Variants in OPCML observed in about 807,000 individuals in gnomAD.
The protein encoded by OPCML is opioid-binding protein/cell adhesion molecule.
In OPCML, 13 loss-of-function variants were observed where a neutral mutation model predicts 37.8. The ratio of observed to expected loss-of-function variants is 0.34; its 90% CI spans 0.22 to 0.55. OPCML has a LOEUF of 0.55. Ranked by LOEUF, OPCML falls within the 20% of genes least tolerant of loss-of-function variation. The probability of loss-of-function intolerance (pLI) is 0.91; values close to 1 mark genes in which losing one functional copy is unlikely to be tolerated. For synonymous variants in OPCML, 176 were observed against 168.8 expected, an observed-to-expected ratio of 1.04 and a Z score of -0.33; for missense variants, 341 against 435.6, an observed-to-expected ratio of 0.78 and a Z score of 1.93.
At chr11:132,508,249 A>C (rs2096261612) in intron 4 of OPCML, among the ~76,000 whole-genome samples, 1 of 152,222 alleles carries the variant, frequency 6.6e-6, no homozygotes, top group Non-Finnish European at 1.5e-5. Flanking sequence ...TACTGATACC[A>C]AAACCAGTCA....
chr11:133,264,123 A>C (rs1941577377), intron 1 of OPCML, among the ~76,000 whole-genome samples: 1 of 152,236 alleles, frequency 6.6e-6, no homozygotes, highest in Admixed American at 6.5e-5. Context: ...CAACCATTTG[A>C]GTTGCTGAGA....
intron 1 of OPCML, among the ~76,000 whole-genome samples, chr11:133,424,341 A>T (rs1945956985): frequency 6.6e-6 from 1 of 152,224 alleles, no homozygotes; most frequent in Admixed American, 6.5e-5. Flanking sequence ...TTATTAAAAT[A>T]GTGTTTATTT....
At chr11:133,132,691 T>C (rs1409468559) in intron 1 of OPCML, among the ~76,000 whole-genome samples, 1 of 152,140 alleles carries the variant, frequency 6.6e-6, no homozygotes, top group East Asian at 1.9e-4. Flanking sequence ...AAAGGACATA[T>C]TGATACACAC....
chr11:133,081,049 G>A (rs1165992164), intron 1 of OPCML, among the ~76,000 whole-genome samples: 3 of 152,074 alleles, frequency 2.0e-5, no homozygotes, highest in Admixed American at 1.3e-4. Flanking sequence ...AACATAAATT[G>A]GAAGTGTTAG....
In OPCML at chr11:133,026,818, A is replaced by G. The variant is rs191628017; in HGVS notation, c.62-83808T>C. 2.2e-4 allele frequency among the ~76,000 whole-genome samples: 33 copies of G among 152,368 alleles called. No homozygotes were observed. In the East Asian group the frequency reaches 5.6e-3, roughly 26 times the overall value. Reference sequence around the variant, plus strand: ...ATTTGTGCTTCATATTTAAAAAAAAATATTAGATTTCTAATGCATTCTTTT... The same window carrying G: ...ATTTGTGCTTCATATTTAAAAAAAAGTATTAGATTTCTAATGCATTCTTTT... On this transcript the variant is annotated intron_variant, in intron 1 of 7. Coordinates refer to ENST00000524381, the MANE Select transcript of OPCML (RefSeq NM_001012393.5).
At chr11:133,378,097 C>T (rs1299176464) in intron 1 of OPCML, among the ~76,000 whole-genome samples, 2 of 152,218 alleles carry the variant, frequency 1.3e-5, no homozygotes, top group Non-Finnish European at 2.9e-5. Flanking sequence ...TTTTATGCGT[C>T]AGGCGTTTAG....
intron 1 of OPCML, among the ~76,000 whole-genome samples, chr11:132,953,076 G>C (rs1416323333): frequency 6.6e-6 from 1 of 152,158 alleles, no homozygotes; most frequent in Non-Finnish European, 1.5e-5. Flanking sequence ...AATCTAAGGA[G>C]TATAACATCA....
intron 1 of OPCML, among the ~76,000 whole-genome samples, chr11:132,955,167 G>C (rs2136706370): frequency 6.6e-6 from 1 of 152,288 alleles, no homozygotes; most frequent in Middle Eastern, 3.4e-3. Flanking sequence ...TGGGGATCTG[G>C]GGGAGGTTGG....
chr11:132,840,345 G>A (rs10160341), intron 2 of OPCML, among the ~76,000 whole-genome samples: 114,858 of 152,132 alleles, frequency 0.75, 44,087 homozygotes, highest in Non-Finnish European at 0.82. Flanking sequence ...CCCTGTGTCC[G>A]AATTCCCAGG....
chr11:133,493,143 C>A (rs1442903177), intron 1 of OPCML, among the ~76,000 whole-genome samples: 19 of 152,222 alleles, frequency 1.2e-4, no homozygotes, highest in Admixed American at 1.2e-3. Flanking sequence ...AGCTCATGAC[C>A]TTGCCCCCCA....
chr11:133,117,403 G>C (rs1008807884), intron 1 of OPCML, among the ~76,000 whole-genome samples: 2 of 152,120 alleles, frequency 1.3e-5, no homozygotes, highest in African/African-American at 4.8e-5. Flanking sequence ...AGCTTTCGGG[G>C]CCTTCTTATA....
chr11:133,441,235 C>T lies in OPCML; in HGVS notation c.61+91029G>A, dbSNP rs559706462. Among the ~76,000 whole-genome samples, 16 of 151,138 alleles carry T rather than the reference C, an allele frequency of 1.1e-4. No individual in the cohort carries two copies. The East Asian group carries it at 1.8e-3, about 17-fold the overall frequency. On this transcript the variant is annotated intron_variant, in intron 1 of 7. Coordinates refer to ENST00000524381, the MANE Select transcript of OPCML (RefSeq NM_001012393.5). ...TGCATTTGGAGAAGGAAAAAAAGCC[C>T]AAGAATGACATGAAAATTTTGAAAA...
intron 3 of OPCML, among the ~76,000 whole-genome samples, chr11:132,533,429 G>A (rs1218698198): frequency 6.6e-6 from 1 of 152,174 alleles, no homozygotes; most frequent in Non-Finnish European, 1.5e-5. Flanking sequence ...GCTAGAAAGA[G>A]ATAGATGATA....
chr11:133,477,094 T>C (rs1308895101), intron 1 of OPCML, among the ~76,000 whole-genome samples: 1 of 152,146 alleles, frequency 6.6e-6, no homozygotes, highest in Non-Finnish European at 1.5e-5. Flanking sequence ...AAGCCAGCAG[T>C]GCCCCCTGCC....
intron 2 of OPCML, among the ~76,000 whole-genome samples, chr11:132,897,947 G>C (rs1056666135): frequency 1.3e-5 from 2 of 152,194 alleles, no homozygotes. Flanking sequence ...CTCCACAGAG[G>C]AGTATGTTAA....
intron 3 of OPCML, among the ~76,000 whole-genome samples, chr11:132,619,916 T>A (rs1213169844): frequency 6.6e-6 from 1 of 151,568 alleles, no homozygotes; most frequent in Non-Finnish European, 1.5e-5. Flanking sequence ...TGAAACAGCA[T>A]AATTAATTAA....
intron 3 of OPCML, among the ~76,000 whole-genome samples, chr11:132,540,553 C>T (rs1054689615): frequency 6.6e-6 from 1 of 152,190 alleles, no homozygotes; most frequent in African/African-American, 2.4e-5. Flanking sequence ...GTGAATGAGA[C>T]TCCCTCCATG....
chr11:132,865,606 T>C (rs1942505429), intron 2 of OPCML, among the ~76,000 whole-genome samples: 1 of 152,198 alleles, frequency 6.6e-6, no homozygotes, highest in South Asian at 2.1e-4. Flanking sequence ...GTTAAATGCA[T>C]GTAAGGCCAG....
chr11:132,721,950 C>CTTTTTTTTTT (rs34325848), intron 2 of OPCML, among the ~76,000 whole-genome samples: 7 of 82,780 alleles, frequency 8.5e-5, no homozygotes, highest in Non-Finnish European at 1.3e-4. Flanking sequence ...CTTTCCTTCC[C>CTTTTTTTTTT]TTTTTTTTTT....
Sources: allele counts gnomAD v4.1 joint callset (sites outside exome capture counted in the v4.1 genomes callset), GRCh38; gene constraint gnomAD v4.1.1; transcripts MANE v1.5; gene names NCBI Gene and HGNC (gene_info 2026-07-23, HGNC 2026-07-21).